Variants in MEIS1 observed in about 807,000 individuals in gnomAD.
MEIS1 encodes Meis homeobox 1.
MEIS1 carries 5 observed loss-of-function variants against 50.8 expected under a neutral mutation model. The observed-to-expected ratio is 0.10, with a 90% confidence interval of 0.05 to 0.21. The LOEUF (loss-of-function observed/expected upper bound fraction) is 0.21, where lower values mean the gene tolerates loss of function less well. Among genes scored for constraint, MEIS1 ranks in the 10% least tolerant of loss-of-function variants. The pLI, the probability that MEIS1 is intolerant of heterozygous loss-of-function variation, is 1.00. For missense variants in MEIS1, 318 were observed against 517.3 expected (o/e 0.61, Z 3.74); for synonymous variants, 176 against 179.3 (o/e 0.98, Z 0.15).
intron 6 of MEIS1, among the ~76,000 whole-genome samples, chr2:66,444,681 C>T (rs1045576460): frequency 6.6e-6 from 1 of 152,196 alleles, no homozygotes; most frequent in Admixed American, 6.5e-5. Context: ...CCGGGCCTCA[C>T]GTCTGGTTCA....
At chr2:66,440,170 G>A in intron 3 of MEIS1, 186 bp downstream of exon 3, 2 of 639,436 alleles carry the variant, frequency 3.1e-6, no homozygotes, top group Non-Finnish European at 5.3e-6. Flanking sequence ...TTTTCTCTCT[G>A]TCTGAGTGTC....
chr2:66,508,071 C>T (rs777927667), intron 7 of MEIS1, among the ~76,000 whole-genome samples: 17 of 152,234 alleles, frequency 1.1e-4, no homozygotes, highest in Non-Finnish European at 2.4e-4. Context: ...AAATGGCCCA[C>T]GCTGAAAGGT....
intron 10 of MEIS1, chr2:66,567,790 TA>T: frequency 1.1e-5 from 5 of 461,614 alleles, no homozygotes; most frequent in South Asian, 2.3e-5. Flanking sequence ...ATATTAATGT[TA>T]TTTTTTTTCT....
intron 9 of MEIS1, among the ~76,000 whole-genome samples, chr2:66,556,886 C>T (rs1675079281): frequency 8.9e-6 from 1 of 112,712 alleles, no homozygotes; most frequent in Non-Finnish European, 1.6e-5. Context: ...TAGGTTATGG[C>T]AGAGATTCCT....
intron 7 of MEIS1, among the ~76,000 whole-genome samples, chr2:66,484,801 C>T (rs1316616190): frequency 6.6e-6 from 1 of 152,094 alleles, no homozygotes; most frequent in Non-Finnish European, 1.5e-5. Flanking sequence ...CTCTGGTGAT[C>T]CACCAGCCTT....
At chr2:66,531,395 G>T (rs1338030335) in intron 8 of MEIS1, among the ~76,000 whole-genome samples, 1 of 152,194 alleles carries the variant, frequency 6.6e-6, no homozygotes, top group East Asian at 1.9e-4. Context: ...AAATAGGAAG[G>T]ACTACTGACA....
intron 7 of MEIS1, among the ~76,000 whole-genome samples, chr2:66,467,539 G>C (rs1159258911): frequency 1.2e-4 from 18 of 152,098 alleles, no homozygotes; most frequent in Non-Finnish European, 5.9e-5. Flanking sequence ...GGAGGTTGCA[G>C]TGAGCCGAGA....
chr2:66,470,673 C>T (rs1672742944), intron 7 of MEIS1, among the ~76,000 whole-genome samples: 2 of 152,286 alleles, frequency 1.3e-5, no homozygotes, highest in Middle Eastern at 3.4e-3. Flanking sequence ...GCAACATCAC[C>T]AGTAAACTTG....
chr2:66,508,670 G>T (rs1394159603), intron 7 of MEIS1, among the ~76,000 whole-genome samples: 2 of 152,236 alleles, frequency 1.3e-5, no homozygotes. Flanking sequence ...TGACACATGG[G>T]CAGATAATAT....
intron 8 of MEIS1, among the ~76,000 whole-genome samples, chr2:66,531,457 C>G (rs191912903): frequency 8.8e-4 from 134 of 152,258 alleles, no homozygotes; most frequent in Non-Finnish European, 1.1e-3. Context: ...ATAAAGGGCT[C>G]AGTAGTCCTT....
At chr2:66,461,229 G>A (rs1231300297) in intron 6 of MEIS1, among the ~76,000 whole-genome samples, 2 of 152,114 alleles carry the variant, frequency 1.3e-5, no homozygotes, top group African/African-American at 4.8e-5. Flanking sequence ...TAATAATGAT[G>A]TTGTTTGGTG....
intron 8 of MEIS1, among the ~76,000 whole-genome samples, chr2:66,536,173 C>T (rs921678458): frequency 3.3e-5 from 5 of 152,132 alleles, no homozygotes; most frequent in African/African-American, 7.2e-5. Context: ...ACATAAACCC[C>T]GGGATCTGTG....
At chr2:66,463,991 G>A in intron 6 of MEIS1, 118 bp from the exon 7 acceptor site, 1 of 691,688 alleles carries the variant, frequency 1.4e-6, no homozygotes, top group East Asian at 2.7e-5. Flanking sequence ...AGGGGGATGG[G>A]AAAGGTGGCA....
At chr2:66,456,073 A>G (rs753162686) in intron 6 of MEIS1, among the ~76,000 whole-genome samples, 29 of 152,190 alleles carry the variant, frequency 1.9e-4, no homozygotes, top group Non-Finnish European at 4.0e-4. Flanking sequence ...CCTCCTCTCT[A>G]CATGCCTCAT....
intron 8 of MEIS1, among the ~76,000 whole-genome samples, chr2:66,531,454 G>A (rs1054297014): frequency 6.6e-6 from 1 of 152,134 alleles, no homozygotes; most frequent in African/African-American, 2.4e-5. Context: ...TAAATAAAGG[G>A]CTCAGTAGTC....
chr2:66,545,679 A>G (rs1162712765), intron 8 of MEIS1, among the ~76,000 whole-genome samples: 1 of 152,204 alleles, frequency 6.6e-6, no homozygotes, highest in Non-Finnish European at 1.5e-5. Context: ...ATTGTGTGCC[A>G]AATCTTTATA....
chr2:66,468,293 G>A (rs1176141887), intron 7 of MEIS1, among the ~76,000 whole-genome samples: 2 of 152,122 alleles, frequency 1.3e-5, no homozygotes, highest in African/African-American at 4.8e-5. Context: ...AGCAAATTGG[G>A]TGCCTCTTCC....
intron 8 of MEIS1, among the ~76,000 whole-genome samples, chr2:66,536,630 T>C (rs1674525251): frequency 1.3e-5 from 2 of 152,158 alleles, no homozygotes; most frequent in Non-Finnish European, 2.9e-5. Flanking sequence ...AGAGGCCTTT[T>C]AATTCATTAA....
chr2:66,568,520 G>GGTCACC, intron 10 of MEIS1, 147 bp from the exon 11 acceptor site: 1 of 360,832 alleles, frequency 2.8e-6, no homozygotes, highest in South Asian at 7.7e-5. Context: ...TAGTCTGAGA[G>GGTCACC]AAATTTCACT....
Sources: gnomAD v4.1 joint callset for allele counts (sites outside exome capture counted in the v4.1 genomes callset) on GRCh38, gnomAD v4.1.1 for gene constraint, MANE v1.5 for transcripts, NCBI Gene and HGNC (gene_info 2026-07-23, HGNC 2026-07-21) for gene names.